Variants in SLX9 observed in about 807,000 individuals in gnomAD.
SLX9 encodes the protein ribosome biogenesis protein SLX9 homolog.
SLX9 carries 19 observed loss-of-function variants against 20.8 expected under a neutral mutation model. The observed-to-expected ratio is 0.91, with a 90% CI of 0.64 to 1.34. SLX9 has a LOEUF of 1.34. Ranked by LOEUF, SLX9 falls within the 40% of genes most tolerant of loss-of-function variation. The probability of loss-of-function intolerance (pLI) is 0.00; values close to 1 mark genes in which losing one functional copy is unlikely to be tolerated. For missense variants in SLX9, 299 were observed against 322.2 expected (o/e 0.93, Z 0.55); for synonymous variants, 113 against 137.1 (o/e 0.82, Z 1.23).
At chr21:44,976,413 C>G (rs2085263673) in intron 5 of SLX9, among the ~76,000 whole-genome samples, 1 of 152,194 alleles carries the variant, frequency 6.6e-6, no homozygotes, top group Non-Finnish European at 1.5e-5. Context: ...TGGCGGCAGC[C>G]CCATCAGCCC....
intron 3 of SLX9, among the ~76,000 whole-genome samples, chr21:44,961,595 GTTAATGATCAAAT>G (rs1268836992): frequency 6.6e-6 from 1 of 152,152 alleles, no homozygotes; most frequent in East Asian, 1.9e-4. Context: ...TCTAAATAAT[GTTAATGATCAAAT>G]TTAGTCAGAT....
intron 4 of SLX9, among the ~76,000 whole-genome samples, chr21:44,970,454 G>A (rs945694500): frequency 1.3e-5 from 2 of 152,126 alleles, no homozygotes; most frequent in African/African-American, 4.8e-5. Context: ...TAACCCAGGC[G>A]CATCTTGGAC....
rs1023148143 is a variant in SLX9, at chr21:44,963,094, T to G, written c.352+2926T>G. On this transcript the variant is annotated intron_variant, in intron 3 of 5. Transcript: ENST00000291634. Reference sequence around the variant, plus strand: ...TGACTTGCCTGTTCATTTTCTTTCTTTTTTTTTTTTTTTGAGATAGAGTCT... The same window carrying G: ...TGACTTGCCTGTTCATTTTCTTTCTGTTTTTTTTTTTTTGAGATAGAGTCT... Among the ~76,000 whole-genome samples the G allele has an allele frequency of 7.1e-4, 105 of 147,312 alleles. 1 individual carries two copies. The highest frequency in any genetic ancestry group is 4.5e-5 in the Non-Finnish European group (3 of 66,208).
rs562724520 is a variant in SLX9 at position 44,951,407 on chromosome 21, G to A, written c.283+7570G>A. Among the ~76,000 whole-genome samples the A allele has an allele frequency of 5.9e-5, 9 of 152,206 alleles. No homozygotes were observed. In the East Asian group the frequency reaches 7.7e-4, roughly 13 times the overall value. On this transcript the variant is annotated intron_variant, in intron 2 of 5. Transcript: ENST00000291634. ...ACAGGCTGTGGATGTGGCCCTTGCC[G>A]GTCCTGTTCAAGTCCCAGCTCTACC...
At chr21:44,954,049 C>T (rs1381926629) in intron 2 of SLX9, among the ~76,000 whole-genome samples, 9 of 152,074 alleles carry the variant, frequency 5.9e-5, no homozygotes, top group South Asian at 2.1e-4. Flanking sequence ...CAAGAAGCCA[C>T]GCTGCTCCCG....
chr21:44,973,289 C>G (rs773327231), intron 5 of SLX9, 24 bp downstream of exon 5: 1 of 1,610,282 alleles, frequency 6.2e-7, no homozygotes. Flanking sequence ...CCCACCTCCT[C>G]AGGGGTTCAG....
intron 4 of SLX9, among the ~76,000 whole-genome samples, chr21:44,970,374 C>A (rs2085120967): frequency 6.6e-6 from 1 of 152,246 alleles, no homozygotes; most frequent in African/African-American, 2.4e-5. Flanking sequence ...CAGTTGCCCC[C>A]AGCTCCCTTT....
chr21:44,967,467 T>C (rs1298473533), intron 4 of SLX9, among the ~76,000 whole-genome samples: 2 of 151,780 alleles, frequency 1.3e-5, no homozygotes, highest in African/African-American at 2.4e-5. Context: ...TCCCCCGACA[T>C]TGACCACAGC....
intron 2 of SLX9, among the ~76,000 whole-genome samples, chr21:44,948,359 C>T (rs1270362188): frequency 1.4e-5 from 2 of 146,474 alleles, no homozygotes; most frequent in Admixed American, 1.4e-4. Flanking sequence ...CGTGGAGCAT[C>T]GGGCGTCCGG....
At chr21:44,971,752 G>T (rs2085153994) in intron 4 of SLX9, among the ~76,000 whole-genome samples, 2 of 152,180 alleles carry the variant, frequency 1.3e-5, no homozygotes, top group Non-Finnish European at 2.9e-5. Context: ...ACAGCTCTGG[G>T]CAGTCAGTGA....
chr21:44,945,530 A>G (rs1041638068), intron 2 of SLX9, among the ~76,000 whole-genome samples: 3 of 151,952 alleles, frequency 2.0e-5, no homozygotes, highest in Admixed American at 6.6e-5. Flanking sequence ...ACTGACTGTC[A>G]CGTCCCCTCT....
At chr21:44,945,895 C>T (rs763705476) in intron 2 of SLX9, among the ~76,000 whole-genome samples, 6 of 152,318 alleles carry the variant, frequency 3.9e-5, no homozygotes, top group South Asian at 2.1e-4. Flanking sequence ...CCACCACGCC[C>T]GGCTAATTTT....
chr21:44,940,145 GC>G lies in SLX9; in HGVS notation c.92del (p.Pro31ArgfsTer28). ...GEAAPGPAPP[A>X]PEATPPPASA... ...GGCCGCCCCCGGCCCCGCGCCCCCT[GC>G]CCCGGAGGCGACCCCTCCGCCGGCC... On this transcript the variant is annotated frameshift_variant, in exon 1 of 6. Coordinates refer to ENST00000291634, the MANE Select transcript of SLX9 (RefSeq NM_058190.4). LOFTEE classifies it high-confidence loss of function. 1 of 1,314,460 alleles carries G rather than the reference GC, an allele frequency of 7.6e-7. No homozygotes were observed. The highest frequency in any genetic ancestry group is 2.3e-5 in the South Asian group (1 of 43,860). The allele number at this position is 1,314,460 out of a possible 1,614,324, so 81.4% of individuals were successfully genotyped here. A position where few individuals can be genotyped will look rare whatever the true frequency, so the allele number is the denominator to read the frequency against.
At chr21:44,974,142 G>A (rs557283887) in intron 5 of SLX9, among the ~76,000 whole-genome samples, 46 of 152,326 alleles carry the variant, frequency 3.0e-4, no homozygotes, top group African/African-American at 8.4e-4. Context: ...CACTGAGAGA[G>A]CCACATTTTA....
At chr21:44,945,325 C>T (rs1300891537) in intron 2 of SLX9, among the ~76,000 whole-genome samples, 2 of 152,184 alleles carry the variant, frequency 1.3e-5, no homozygotes, top group African/African-American at 4.8e-5. Flanking sequence ...GGTGGTCCGC[C>T]CGAGCTGTGT....
At chr21:44,959,817 A>G (rs1262398065) in intron 2 of SLX9, among the ~76,000 whole-genome samples, 1 of 152,090 alleles carries the variant, frequency 6.6e-6, no homozygotes, top group Non-Finnish European at 1.5e-5. Context: ...AGTGGGGAGG[A>G]GGCCTCCTTG....
rs969086193 is a variant in SLX9 at position 44,972,929 on chromosome 21, G to A, written c.501-268G>A. ...CTGCAGGAGTCACCAGATTCCACACGGAGCAGCTTGGGGCCCGCGGTCACA... is the reference window on the plus strand; with the variant it reads ...CTGCAGGAGTCACCAGATTCCACACAGAGCAGCTTGGGGCCCGCGGTCACA... On this transcript the variant is annotated intron_variant, in intron 4 of 5. Transcript: ENST00000291634. The A allele has an allele frequency of 1.4e-4, 5 of 36,392 alleles. 1 individual carries two copies. Among genetic ancestry groups the A allele is most frequent in the Non-Finnish European group, 2.3e-4 (5 of 21,490 alleles). 2.3% of individuals were successfully genotyped at this position (36,392 alleles called of 1,614,324 possible). A position where few individuals can be genotyped will look rare whatever the true frequency, so the allele number is the denominator to read the frequency against.
chr21:44,960,338 G>C (rs1270212001), intron 3 of SLX9, among the ~76,000 whole-genome samples, 170 bp downstream of exon 3: 1 of 152,212 alleles, frequency 6.6e-6, no homozygotes, highest in Non-Finnish European at 1.5e-5. Context: ...CCGAAGGACA[G>C]TGGAGGCACA....
At position 44,960,165 on chromosome 21, in the gene SLX9, C is replaced by CA. The variant is rs755062691; in HGVS notation, c.350dup (p.Lys118GlufsTer9). On this transcript the variant is annotated frameshift_variant, in exon 3 of 6. Transcript: ENST00000291634. LOFTEE classifies it high-confidence loss of function. ...GAAGCTGAGGCGTGAGCAATGGTTGCAGAGTAAGTCCATGCCTGCGTCTTG... is the reference window on the plus strand; with the variant it reads ...GAAGCTGAGGCGTGAGCAATGGTTGCAAGAGTAAGTCCATGCCTGCGTCTTG... 6.2e-6 allele frequency: 10 copies of CA among 1,614,070 alleles called. No homozygotes were observed. The highest frequency in any genetic ancestry group is 6.8e-6 in the Non-Finnish European group (8 of 1,179,998).
Sources: gnomAD v4.1 joint callset for allele counts (sites outside exome capture counted in the v4.1 genomes callset) on GRCh38, gnomAD v4.1.1 for gene constraint, MANE v1.5 for transcripts, NCBI Gene and HGNC (gene_info 2026-07-23, HGNC 2026-07-21) for gene names.